The following JAKMIP2 variants were observed in gnomAD, a reference collection of about 807,000 sequenced individuals.
JAKMIP2 encodes the protein janus kinase and microtubule interacting protein 2.
In JAKMIP2, 25 loss-of-function variants were observed where a neutral mutation model predicts 115.0. The ratio of observed to expected loss-of-function variants is 0.22; its 90% CI spans 0.16 to 0.30. The LOEUF (loss-of-function observed/expected upper bound fraction) is 0.30, where lower values mean the gene tolerates loss of function less well. Among genes scored for constraint, JAKMIP2 ranks in the 10% least tolerant of loss-of-function variants. The pLI, the probability that JAKMIP2 is intolerant of heterozygous loss-of-function variation, is 1.00. For missense variants in JAKMIP2, 642 were observed against 957.6 expected, an observed-to-expected ratio of 0.67 and a Z score of 4.35; for synonymous variants, 334 against 343.6, an observed-to-expected ratio of 0.97 and a Z score of 0.31.
At chr5:147,764,361 G>A (rs1755035258) in intron 1 of JAKMIP2, among the ~76,000 whole-genome samples, 3 of 152,022 alleles carry the variant, frequency 2.0e-5, no homozygotes, top group Admixed American at 2.0e-4. Flanking sequence ...TTCAGACAAG[G>A]GAGGTCTGAA....
intron 1 of JAKMIP2, among the ~76,000 whole-genome samples, chr5:147,764,483 A>G (rs1755040680): frequency 7.1e-6 from 1 of 140,514 alleles, no homozygotes; most frequent in African/African-American, 2.5e-5. Context: ...GGATATTGAA[A>G]ATGGGCGGGG....
chr5:147,763,947 A>AC (rs1264372594), intron 1 of JAKMIP2, among the ~76,000 whole-genome samples: 2 of 152,122 alleles, frequency 1.3e-5, no homozygotes, highest in African/African-American at 4.8e-5. Context: ...CATTAAAGTC[A>AC]CCTAAGGATC....
At chr5:147,634,314 AT>A (rs979967572) in intron 12 of JAKMIP2, among the ~76,000 whole-genome samples, 3 of 152,026 alleles carry the variant, frequency 2.0e-5, no homozygotes, top group Non-Finnish European at 2.9e-5. Context: ...ACGTAATGGG[AT>A]TTTTTTTATG....
chr5:147,694,741 T>G (rs1580793810), intron 1 of JAKMIP2, among the ~76,000 whole-genome samples: 1 of 152,228 alleles, frequency 6.6e-6, no homozygotes, highest in East Asian at 1.9e-4. Context: ...TTCTTTGCTG[T>G]TGAATAGCCA....
At chr5:147,764,970 G>C (rs1580895872) in intron 1 of JAKMIP2, among the ~76,000 whole-genome samples, 1 of 44,394 alleles carries the variant, frequency 2.3e-5, no homozygotes, top group Non-Finnish European at 4.0e-5. Flanking sequence ...GAGAGAGGGG[G>C]AGAGAGAGAG....
intron 1 of JAKMIP2, among the ~76,000 whole-genome samples, chr5:147,736,535 C>T (rs1753931477): frequency 6.6e-6 from 1 of 151,964 alleles, no homozygotes; most frequent in African/African-American, 2.4e-5. Flanking sequence ...AAGACTAATC[C>T]ATATCACTTA....
chr5:147,713,273 A>T (rs1415631914), intron 1 of JAKMIP2, among the ~76,000 whole-genome samples: 1 of 152,146 alleles, frequency 6.6e-6, no homozygotes, highest in African/African-American at 2.4e-5. Context: ...CTTTTTTGTA[A>T]GTGTGAGCCT....
chr5:147,737,675 G>T (rs1240303714), intron 1 of JAKMIP2, among the ~76,000 whole-genome samples: 4 of 152,148 alleles, frequency 2.6e-5, no homozygotes, highest in Non-Finnish European at 5.9e-5. Context: ...CTTATTGAGT[G>T]CAATATATCG....
chr5:147,623,755 C>T, intron 16 of JAKMIP2, 66 bp from the exon 17 acceptor site: 1 of 972,304 alleles, frequency 1.0e-6, no homozygotes, highest in Non-Finnish European at 1.7e-6. Context: ...CTGTGTGCCC[C>T]CATGAGGTGC....
At chr5:147,612,074 G>A in intron 20 of JAKMIP2, 1 of 686,292 alleles carries the variant, frequency 1.5e-6, no homozygotes, top group South Asian at 1.4e-5. Context: ...AGAAAACACA[G>A]AAAAAATAGG....
intron 2 of JAKMIP2, among the ~76,000 whole-genome samples, chr5:147,671,256 T>G (rs1759569516): frequency 6.6e-6 from 1 of 152,138 alleles, no homozygotes; most frequent in Non-Finnish European, 1.5e-5. Flanking sequence ...AGGAAGCCCT[T>G]GGAAGGTATT....
At chr5:147,598,425 CATCT>C (rs71001444) in intron 21 of JAKMIP2, among the ~76,000 whole-genome samples, 2,392 of 148,444 alleles carry the variant, frequency 0.016, 55 homozygotes, top group African/African-American at 0.053. Flanking sequence ...CTCTCATTTT[CATCT>C]ATCTATCTAT....
intron 12 of JAKMIP2, among the ~76,000 whole-genome samples, chr5:147,635,173 G>A (rs1336195905): frequency 2.1e-5 from 3 of 145,534 alleles, no homozygotes; most frequent in East Asian, 2.2e-4. Context: ...GTAAAACTCC[G>A]TCTCAAAAAA....
At chr5:147,640,083 C>G (rs1400277938) in intron 9 of JAKMIP2, among the ~76,000 whole-genome samples, 2 of 152,106 alleles carry the variant, frequency 1.3e-5, no homozygotes, top group Non-Finnish European at 2.9e-5. Flanking sequence ...AGATTTTGGA[C>G]CTAAATTTGA....
intron 1 of JAKMIP2, among the ~76,000 whole-genome samples, chr5:147,685,333 C>A (rs1367873582): frequency 6.6e-6 from 1 of 152,088 alleles, no homozygotes; most frequent in African/African-American, 2.4e-5. Flanking sequence ...TCAGTAAGAT[C>A]AAAGAAGTCA....
rs76680269 is a variant in JAKMIP2 at position 147,676,600 on chromosome 5, G to A, written c.-148-4646C>T. Reference sequence around the variant, plus strand: ...GGCAGCAGTAGCCCCAGGCAACATTGTGAGGCATCAAATATGTGAATTTTA... The same window carrying A: ...GGCAGCAGTAGCCCCAGGCAACATTATGAGGCATCAAATATGTGAATTTTA... On this transcript the variant is annotated intron_variant, in intron 1 of 21. Transcript: ENST00000616793. Among the ~76,000 whole-genome samples, 98 of 152,322 alleles carry A rather than the reference G, an allele frequency of 6.4e-4. No homozygotes were observed. The East Asian group carries it at 0.017, about 26-fold the overall frequency.
intron 1 of JAKMIP2, among the ~76,000 whole-genome samples, chr5:147,680,352 G>A (rs1353150259): frequency 1.3e-5 from 2 of 152,152 alleles, no homozygotes; most frequent in African/African-American, 4.8e-5. Flanking sequence ...TACATTGACA[G>A]GGTCAGTATT....
At chr5:147,702,927 T>A (rs939996085) in intron 1 of JAKMIP2, among the ~76,000 whole-genome samples, 34 of 152,156 alleles carry the variant, frequency 2.2e-4, no homozygotes, top group African/African-American at 8.0e-4. Context: ...GGGATTTGTT[T>A]CCAATAGGAG....
chr5:147,689,235 G>T (rs7718457), intron 1 of JAKMIP2, among the ~76,000 whole-genome samples: 42,153 of 152,074 alleles, frequency 0.28, 6,519 homozygotes, highest in African/African-American at 0.41. Flanking sequence ...AGGGCAGACA[G>T]TAATGGGAGG....
Sources: allele counts gnomAD v4.1 joint callset (sites outside exome capture counted in the v4.1 genomes callset), GRCh38; gene constraint gnomAD v4.1.1; transcripts MANE v1.5; gene names NCBI Gene and HGNC (gene_info 2026-07-23, HGNC 2026-07-21).